CERKL: variants seen among roughly 807,000 people sequenced by gnomAD.
The protein encoded by CERKL is ceramide kinase-like protein.
CERKL carries 61 observed loss-of-function variants against 63.4 expected under a neutral mutation model. The observed-to-expected ratio is 0.96, with a 90% CI of 0.78 to 1.19. The LOEUF (loss-of-function observed/expected upper bound fraction) is 1.19, where lower values mean the gene tolerates loss of function less well. Among genes scored for constraint, CERKL ranks in the 50% most tolerant of loss-of-function variants. The pLI, the probability that CERKL is intolerant of heterozygous loss-of-function variation, is 0.00. For missense variants in CERKL, 675 were observed against 655.5 expected, an observed-to-expected ratio of 1.03 and a Z score of -0.33; for synonymous variants, 250 against 230.5, an observed-to-expected ratio of 1.08 and a Z score of -0.77.
chr2:181,581,056 G>C (rs941165713), intron 2 of CERKL, among the ~76,000 whole-genome samples: 37 of 152,204 alleles, frequency 2.4e-4, no homozygotes, highest in African/African-American at 8.4e-4. Context: ...CTAGTTTCTA[G>C]ACATATAGTC....
chr2:181,595,651 C>G (rs1422109123), intron 2 of CERKL, among the ~76,000 whole-genome samples: 1 of 152,178 alleles, frequency 6.6e-6, no homozygotes, highest in Non-Finnish European at 1.5e-5. Flanking sequence ...CCTCTACCAT[C>G]TACCGGTTGT....
At chr2:181,590,448 G>A (rs1684946368) in intron 2 of CERKL, among the ~76,000 whole-genome samples, 1 of 151,712 alleles carries the variant, frequency 6.6e-6, no homozygotes, top group Non-Finnish European at 1.5e-5. Flanking sequence ...GCCCATAAAA[G>A]GTTTTAATTA....
At chr2:181,555,585 C>G (rs1248577677) in intron 5 of CERKL, among the ~76,000 whole-genome samples, 1 of 151,954 alleles carries the variant, frequency 6.6e-6, no homozygotes, top group Non-Finnish European at 1.5e-5. Context: ...ACTAAGTATT[C>G]TAAAATCCAT....
At chr2:181,601,107 A>C (rs897929300) in intron 2 of CERKL, among the ~76,000 whole-genome samples, 1 of 152,222 alleles carries the variant, frequency 6.6e-6, no homozygotes. Context: ...AATTCTGAAA[A>C]AACAAAATTA....
At chr2:181,656,653 G>C in intron 1 of CERKL, 116 bp downstream of exon 1, 4 of 898,782 alleles carry the variant, frequency 4.5e-6, no homozygotes, top group Non-Finnish European at 6.5e-6. Flanking sequence ...GGCGAGCACG[G>C]GGAGGGGAGG....
chr2:181,649,478 G>C (rs1297993307), intron 1 of CERKL: 1 of 152,092 alleles, frequency 6.6e-6, no homozygotes, highest in Non-Finnish European at 1.5e-5. Context: ...TTTCAATAAT[G>C]AATAAATTAT....
chr2:181,630,479 G>T (rs1686909754), intron 1 of CERKL, among the ~76,000 whole-genome samples: 1 of 152,202 alleles, frequency 6.6e-6, no homozygotes, highest in Admixed American at 6.5e-5. Context: ...TAGAGACAGG[G>T]CCTTAAATAG....
chr2:181,539,223 T>TACTTCC lies in CERKL; in HGVS notation c.1401_1406dup (p.Glu468_Val469dup). The TACTTCC allele has an allele frequency of 6.2e-7, 1 of 1,602,388 alleles. No homozygotes were observed. The highest frequency in any genetic ancestry group is 8.6e-7 in the Non-Finnish European group (1 of 1,169,554). On this transcript the variant is annotated inframe_insertion, in exon 12 of 13. Transcript: ENST00000410087. ...CAGTATTATTCCTTGGATGAACTTT[T>TACTTCC]ACTTCCTCAACAGTGTAAGTCTCAA...
intron 5 of CERKL, among the ~76,000 whole-genome samples, chr2:181,553,362 G>A (rs1464368682): frequency 6.6e-6 from 1 of 152,134 alleles, no homozygotes; most frequent in Non-Finnish European, 1.5e-5. Flanking sequence ...CATAATTAGA[G>A]TCAGATATTT....
At chr2:181,562,736 T>C (rs1300664638) in intron 4 of CERKL, among the ~76,000 whole-genome samples, 1 of 152,140 alleles carries the variant, frequency 6.6e-6, no homozygotes, top group African/African-American at 2.4e-5. Flanking sequence ...GTGATAAAGA[T>C]TTTTTTAATG....
intron 4 of CERKL, among the ~76,000 whole-genome samples, chr2:181,562,049 G>A (rs1190913711): frequency 6.6e-6 from 1 of 152,006 alleles, no homozygotes; most frequent in African/African-American, 2.4e-5. Context: ...CCTGACCTCA[G>A]GTGATCTCCC....
rs1553519262 is a variant in CERKL, at chr2:181,606,366, A to AGGGAGAGGAGGAGGAGGGGAG, written c.239-2288_239-2287insCTCCCCTCCTCCTCCTCTCCC. Among the ~76,000 whole-genome samples the AGGGAGAGGAGGAGGAGGGGAG allele has an allele frequency of 2.4e-3, 19 of 7,942 alleles. 3 individuals carry two copies. The highest frequency in any genetic ancestry group is 2.6e-3 in the Non-Finnish European group (11 of 4,292). 5.2% of individuals were successfully genotyped at this position (7,942 alleles called of 152,430 possible). ...GAGGAGGGGGAGGGAGAAGAGGGGG[A>AGGGAGAGGAGGAGGAGGGGAG]GGGAGAGGAGGGGGAGGGGAGGGGA... On this transcript the variant is annotated intron_variant, in intron 1 of 12. Coordinates refer to ENST00000410087, the MANE Select transcript of CERKL (RefSeq NM_201548.5).
At chr2:181,598,667 A>C (rs1685324621) in intron 2 of CERKL, among the ~76,000 whole-genome samples, 1 of 152,118 alleles carries the variant, frequency 6.6e-6, no homozygotes. Flanking sequence ...CTACTCCACA[A>C]AATAAGCTTC....
At chr2:181,553,777 A>T (rs2105812159) in intron 5 of CERKL, among the ~76,000 whole-genome samples, 1 of 152,326 alleles carries the variant, frequency 6.6e-6, no homozygotes, top group South Asian at 2.1e-4. Flanking sequence ...CACTCTGAAG[A>T]AAAAAGGAAA....
chr2:181,629,663 T>C (rs1383391734), intron 1 of CERKL, among the ~76,000 whole-genome samples: 2 of 151,766 alleles, frequency 1.3e-5, no homozygotes, highest in African/African-American at 4.8e-5. Context: ...TATGAATTCA[T>C]ACTTTCAGAA....
intron 1 of CERKL, among the ~76,000 whole-genome samples, chr2:181,632,056 T>C (rs1032487001): frequency 2.0e-5 from 3 of 152,232 alleles, no homozygotes; most frequent in Admixed American, 6.5e-5. Context: ...CAAAGATAAA[T>C]ACATCAGTAT....
At chr2:181,600,466 G>C (rs1337113387) in intron 2 of CERKL, among the ~76,000 whole-genome samples, 1 of 152,038 alleles carries the variant, frequency 6.6e-6, no homozygotes, top group Non-Finnish European at 1.5e-5. Flanking sequence ...GAATTCAAGA[G>C]ACCCATCTCA....
intron 2 of CERKL, among the ~76,000 whole-genome samples, chr2:181,584,403 T>C (rs1322109225): frequency 2.0e-5 from 3 of 151,852 alleles, no homozygotes; most frequent in African/African-American, 7.3e-5. Context: ...TCTCAACTAC[T>C]AGGGAGGTTG....
At chr2:181,625,465 T>C (rs897736871) in intron 1 of CERKL, among the ~76,000 whole-genome samples, 4 of 152,128 alleles carry the variant, frequency 2.6e-5, no homozygotes, top group African/African-American at 4.8e-5. Flanking sequence ...ACTTTACATA[T>C]GAAAATGTAG....
Sources: gnomAD v4.1 joint callset for allele counts (sites outside exome capture counted in the v4.1 genomes callset) on GRCh38, gnomAD v4.1.1 for gene constraint, MANE v1.5 for transcripts, NCBI Gene and HGNC (gene_info 2026-07-23, HGNC 2026-07-21) for gene names.